Variants in SLITRK2 observed in about 807,000 individuals in gnomAD.
The protein encoded by SLITRK2 is SLIT and NTRK like family member 2, also known as SLIT and NTRK-like protein 2.
A neutral mutation model predicts 35.4 loss-of-function variants in SLITRK2; 13 were observed. The observed-to-expected ratio is 0.37, with a 90% CI of 0.24 to 0.58. The LOEUF is 0.58. SLITRK2 is among the 20% of genes least tolerant of loss of function. The pLI, the probability that SLITRK2 is intolerant of heterozygous loss-of-function variation, is 0.75. For missense variants in SLITRK2, 471 were observed against 634.3 expected, an observed-to-expected ratio of 0.74 and a Z score of 2.76; for synonymous variants, 294 against 264.7, an observed-to-expected ratio of 1.11 and a Z score of -1.07.
rs1463534114 is a variant in SLITRK2, at chrX:145,826,570, T to C, written c.*1607T>C. On this transcript the variant is annotated 3_prime_UTR_variant, in exon 5 of 5. Transcript: ENST00000335565. ...TTTAGATGCAAACGTGATTGTGTGA[T>C]TTAAACAAACAGCCCTTCTTTACAA... is the stretch of plus-strand genomic sequence containing the variant. 2.7e-5 allele frequency: 3 copies of C among 112,342 alleles called. No homozygotes were observed. In the East Asian group the frequency reaches 8.4e-4, roughly 31 times the overall value. 9.3% of individuals were successfully genotyped at this position (112,342 alleles called of 1,213,427 possible). A position where few individuals can be genotyped will look rare whatever the true frequency, so the allele number is the denominator to read the frequency against.
Position 145,824,154 on chromosome X carries a change from A to C in SLITRK2, c.1729A>C (p.Ile577Leu), listed in dbSNP as rs1556944689. The change falls in exon 5 of 5, where the codon ATC becomes CTC. Residue 577 changes from isoleucine (I) to leucine (L), a missense_variant. By Grantham distance (5) the Ile-to-Leu change is conservative. Transcript: ENST00000335565. ...ACTAAAATTTCTGGGGAGGGAGGCT[A>C]TCTGTCCAGACAGCCCAAACTTGTC... ...EILKFLGREAICPDSPNLSDG... is the reference protein window; with the variant it reads ...EILKFLGREALCPDSPNLSDG... 1 of 1,209,283 alleles carries C rather than the reference A, an allele frequency of 8.3e-7. No individual in the cohort carries two copies. The highest frequency in any genetic ancestry group is 1.1e-6 in the Non-Finnish European group (1 of 894,147).
In SLITRK2 at chrX:145,825,166, C is replaced by T. The variant is rs1397957777; in HGVS notation, c.*203C>T. Reference sequence around the variant, plus strand: ...ATTATTTCTCTCTCGCTCTCCTCCCCTCCTTTTTTTTTTTTTTTTTTTTTT... The same window carrying T: ...ATTATTTCTCTCTCGCTCTCCTCCCTTCCTTTTTTTTTTTTTTTTTTTTTT... On this transcript the variant is annotated 3_prime_UTR_variant, in exon 5 of 5. Coordinates refer to ENST00000335565, the MANE Select transcript of SLITRK2 (RefSeq NM_032539.5). 1.3e-5 allele frequency: 4 copies of T among 299,449 alleles called. No homozygotes were observed. The highest frequency in any genetic ancestry group is 1.7e-4 in the Admixed American group (2 of 11,784). 24.7% of individuals were successfully genotyped at this position (299,449 alleles called of 1,213,427 possible).
rs2073155758 is a variant in SLITRK2, at chrX:145,829,561, T to G, written c.*4598T>G. On this transcript the variant is annotated 3_prime_UTR_variant, in exon 5 of 5. Coordinates refer to ENST00000335565, the MANE Select transcript of SLITRK2 (RefSeq NM_032539.5). The stretch of plus-strand genomic sequence containing the variant: ...AACAAAATTGAACACAGGACTCTTC[T>G]GCTCAGCAGCATCTCTTTTCTCAGA... 8.1e-6 allele frequency: 1 copy of G among 123,587 alleles called. No individual in the cohort carries two copies. The highest frequency in any genetic ancestry group is 1.9e-5 in the Non-Finnish European group (1 of 53,349). The allele number at this position is 123,587 out of a possible 1,213,427, so 10.2% of individuals were successfully genotyped here. A position where few individuals can be genotyped will look rare whatever the true frequency, so the allele number is the denominator to read the frequency against.
At position 145,823,482 on chromosome X, in the gene SLITRK2, A is replaced by G. The variant is rs1556944369; in HGVS notation, c.1057A>G (p.Asn353Asp). 1 of 1,211,246 alleles carries G rather than the reference A, an allele frequency of 8.3e-7. No homozygotes were observed. The highest frequency in any genetic ancestry group is 1.8e-5 in the South Asian group (1 of 56,952). ...TGTCTGCACCTCTCAGAGCTCAGACAATGGTCTGAATGTAAACTGCCAAGA... is the reference window on the plus strand; with the variant it reads ...TGTCTGCACCTCTCAGAGCTCAGACGATGGTCTGAATGTAAACTGCCAAGA... Reference protein sequence around the residue: ...SCVCTSQSSDNGLNVNCQERK... With the variant: ...SCVCTSQSSDDGLNVNCQERK... Residue 353 changes from asparagine to aspartate, a missense_variant, in exon 5 of 5, where the codon AAT becomes GAT. This residue lies in a region of SLITRK2 where 92 missense variants were observed against 184.2 expected (regional missense o/e 0.50). Coordinates refer to ENST00000335565, the MANE Select transcript of SLITRK2 (RefSeq NM_032539.5).
rs933707267 is a variant in SLITRK2 at position 145,826,307 on chromosome X, A to C, written c.*1344A>C. The C allele has an allele frequency of 2.7e-5, 3 of 112,067 alleles. No homozygotes were observed. Among genetic ancestry groups the C allele is most frequent in the Non-Finnish European group, 5.6e-5 (3 of 53,191 alleles). 9.2% of individuals were successfully genotyped at this position (112,067 alleles called of 1,213,427 possible). ...AAAACAGCATTTTCCTCTTGAGTTT[A>C]ATTGAAGCATTAATGGGGTGCTATC... On this transcript the variant is annotated 3_prime_UTR_variant, in exon 5 of 5. Transcript: ENST00000335565.
In SLITRK2 at chrX:145,827,832, C is replaced by T. The variant is rs199644106; in HGVS notation, c.*2869C>T. 1 of 1,211,702 alleles carries T rather than the reference C, an allele frequency of 8.3e-7. No individual in the cohort carries two copies. ...GCTTTATCTGCTCAAGCACTTTCGA[C>T]CATATTTTATTTTAGGATTTTTATT... On this transcript the variant is annotated 3_prime_UTR_variant, in exon 5 of 5. Coordinates refer to ENST00000335565, the MANE Select transcript of SLITRK2 (RefSeq NM_032539.5).
rs782605442 is a variant in SLITRK2 at position 145,824,730 on chromosome X, G to T, written c.2305G>T (p.Ala769Ser). The T allele has an allele frequency of 8.3e-7, 1 of 1,211,174 alleles. No individual in the cohort carries two copies. The highest frequency in any genetic ancestry group is 1.1e-6 in the Non-Finnish European group (1 of 895,372). ...IAERVKELPSAGLVHYNFCTL... is the reference protein window; with the variant it reads ...IAERVKELPSSGLVHYNFCTL... ...TGAGCGAGTCAAGGAACTTCCCAGC[G>T]CAGGCCTAGTCCACTATAACTTTTG... Residue 769 changes from alanine (A) to serine (S), a missense_variant, in exon 5 of 5, where the codon GCA becomes TCA. Coordinates refer to ENST00000335565, the MANE Select transcript of SLITRK2 (RefSeq NM_032539.5).
In SLITRK2 at chrX:145,829,648, A is replaced by G; in HGVS notation, c.*4685A>G. 8.1e-6 allele frequency: 1 copy of G among 123,752 alleles called. No homozygotes were observed. Among genetic ancestry groups the G allele is most frequent in the Non-Finnish European group, 1.9e-5 (1 of 53,384 alleles). The allele number at this position is 123,752 out of a possible 1,213,427, so 10.2% of individuals were successfully genotyped here. A position where few individuals can be genotyped will look rare whatever the true frequency, so the allele number is the denominator to read the frequency against. On this transcript the variant is annotated 3_prime_UTR_variant, in exon 5 of 5. Transcript: ENST00000335565. ...CATATTCCATAAAGTGCTCAGAGTCACAGGTTTTATAATAAATTATGTTAT... is the reference window on the plus strand; with the variant it reads ...CATATTCCATAAAGTGCTCAGAGTCGCAGGTTTTATAATAAATTATGTTAT...
chrX:145,826,265 G>A lies in SLITRK2; in HGVS notation c.*1302G>A, dbSNP rs2073125996. The stretch of plus-strand genomic sequence containing the variant: ...GGGTTAGACTCATAATCCTTCTCAA[G>A]TTTAACACTTTCTGACAAAACAGCA... On this transcript the variant is annotated 3_prime_UTR_variant, in exon 5 of 5. Coordinates refer to ENST00000335565, the MANE Select transcript of SLITRK2 (RefSeq NM_032539.5). 8.9e-6 allele frequency: 1 copy of A among 111,766 alleles called. No individual in the cohort carries two copies. Among genetic ancestry groups the A allele is most frequent in the African/African-American group, 3.3e-5 (1 of 30,731 alleles). The allele number at this position is 111,766 out of a possible 1,213,427, so 9.2% of individuals were successfully genotyped here. A position where few individuals can be genotyped will look rare whatever the true frequency, so the allele number is the denominator to read the frequency against.
chrX:145,821,280 T>G (rs1371615883), intron 2 of SLITRK2, 68 bp from the exon 3 acceptor site: 1 of 101,500 alleles, frequency 9.9e-6, no homozygotes, highest in African/African-American at 3.7e-5. Flanking sequence ...CCCAAGGAGG[T>G]GCCAGGCCAT....
rs5904151 is a variant in SLITRK2 at position 145,825,169 on chromosome X, C to CTTTTTTTTTTTTTTTTTTTTTTTT, written c.*228_*229insTTTTTTTTTTTTTTTTTTTTTTTT. 1 of 162,324 alleles carries CTTTTTTTTTTTTTTTTTTTTTTTT rather than the reference C, an allele frequency of 6.2e-6. No homozygotes were observed. Among genetic ancestry groups the CTTTTTTTTTTTTTTTTTTTTTTTT allele is most frequent in the Non-Finnish European group, 1.0e-5 (1 of 95,285 alleles). 13.4% of individuals were successfully genotyped at this position (162,324 alleles called of 1,213,427 possible). On this transcript the variant is annotated 3_prime_UTR_variant, in exon 5 of 5. Transcript: ENST00000335565. ...ATTTCTCTCTCGCTCTCCTCCCCTC[C>CTTTTTTTTTTTTTTTTTTTTTTTT]TTTTTTTTTTTTTTTTTTTTTTCTT...
chrX:145,827,696 T>C lies in SLITRK2; in HGVS notation c.*2733T>C, dbSNP rs200700602. 8.8e-7 allele frequency: 1 copy of C among 1,132,694 alleles called. No individual in the cohort carries two copies. Among genetic ancestry groups the C allele is most frequent in the African/African-American group, 1.8e-5 (1 of 55,266 alleles). The allele number at this position is 1,132,694 out of a possible 1,213,427, so 93.3% of individuals were successfully genotyped here. A position where few individuals can be genotyped will look rare whatever the true frequency, so the allele number is the denominator to read the frequency against. On this transcript the variant is annotated 3_prime_UTR_variant, in exon 5 of 5. Coordinates refer to ENST00000335565, the MANE Select transcript of SLITRK2 (RefSeq NM_032539.5). Reference sequence around the variant, plus strand: ...TATTTGAATGTATTCCAGACTATTTTATTTAAAATCATCATACATCATATA... The same window carrying C: ...TATTTGAATGTATTCCAGACTATTTCATTTAAAATCATCATACATCATATA...
Position 145,822,650 on chromosome X carries a change from A to G in SLITRK2, c.225A>G (p.Thr75=). 14 of 1,211,775 alleles carry G rather than the reference A, an allele frequency of 1.2e-5. No individual in the cohort carries two copies. The highest frequency in any genetic ancestry group is 1.6e-5 in the Non-Finnish European group (14 of 895,476). Residue 75 remains threonine (T), a synonymous_variant, in exon 5 of 5, where the codon ACA becomes ACG. Coordinates refer to ENST00000335565, the MANE Select transcript of SLITRK2 (RefSeq NM_032539.5). ...TTTTTCTCAATGGAAACCTCTTGAC[A>G]AGACTGTATCCAAACGAATTTGTCA... ...YQLFLNGNLL[T]RLYPNEFVNY...
chrX:145,822,730 G>A lies in SLITRK2; in HGVS notation c.305G>A (p.Arg102Gln), dbSNP rs1451408651. The A allele has an allele frequency of 1.1e-5, 13 of 1,211,069 alleles. No individual in the cohort carries two copies. The highest frequency in any genetic ancestry group is 1.8e-5 in the South Asian group (1 of 56,904). Residue 102 changes from arginine (R) to glutamine (Q), a missense_variant, in exon 5 of 5, where the codon CGA (arginine) becomes CAA (glutamine). By Grantham distance (43) the Arg-to-Gln change is conservative. Around this residue, in one of 7 missense-constraint regions of SLITRK2, gnomAD observed 98 missense variants for 120.6 expected, o/e 0.81. Coordinates refer to ENST00000335565, the MANE Select transcript of SLITRK2 (RefSeq NM_032539.5). ...GGTAACAACGGGTTACAGGAGATCC[G>A]AACGGGGGCATTCAGTGGCCTGAAA... is the stretch of plus-strand genomic sequence containing the variant. The part of the protein sequence containing the change: ...HLGNNGLQEI[R>Q]TGAFSGLKTL...
intron 1 of SLITRK2, chrX:145,819,398 C>T (rs2072953918): frequency 9.0e-6 from 1 of 111,622 alleles, no homozygotes; most frequent in Non-Finnish European, 1.9e-5. Flanking sequence ...CTCATAATCC[C>T]TGGGTTTTGT....
In SLITRK2 at chrX:145,825,184, T is replaced by C. The variant is rs906412079; in HGVS notation, c.*221T>C. On this transcript the variant is annotated 3_prime_UTR_variant, in exon 5 of 5. Coordinates refer to ENST00000335565, the MANE Select transcript of SLITRK2 (RefSeq NM_032539.5). ...TCCTCCCCTCCTTTTTTTTTTTTTTTTTTTTTTCTTTTTCCCTTCTCTTCT... is the reference window on the plus strand; with the variant it reads ...TCCTCCCCTCCTTTTTTTTTTTTTTCTTTTTTTCTTTTTCCCTTCTCTTCT... 1.3e-4 allele frequency: 45 copies of C among 339,120 alleles called. No homozygotes were observed. Among genetic ancestry groups the C allele is most frequent in the Non-Finnish European group, 1.9e-4 (37 of 197,433 alleles). 27.9% of individuals were successfully genotyped at this position (339,120 alleles called of 1,213,427 possible). A position where few individuals can be genotyped will look rare whatever the true frequency, so the allele number is the denominator to read the frequency against.
At chrX:145,818,625 G>A (rs2072934058) in intron 1 of SLITRK2, 1 of 112,791 alleles carries the variant, frequency 8.9e-6, no homozygotes, top group South Asian at 3.7e-4. Flanking sequence ...CTCGTGGCCT[G>A]ATGGGCGGCC....
intron 1 of SLITRK2, 135 bp from the exon 2 acceptor site, chrX:145,820,339 A>C (rs1433922957): frequency 8.9e-6 from 1 of 112,481 alleles, no homozygotes; most frequent in Non-Finnish European, 1.9e-5. Flanking sequence ...CTGTAAGATA[A>C]TTAAGGAGAA....
intron 1 of SLITRK2, chrX:145,818,838 C>G (rs2072938652): frequency 8.9e-6 from 1 of 112,414 alleles, no homozygotes. Context: ...CCAGTTCACC[C>G]TGAACCTTTC....
Sources: gnomAD v4.1 joint callset for allele counts on GRCh38, gnomAD v4.1.1 for gene constraint, gnomAD v4.1.1 regional missense constraint, MANE v1.5 for transcripts, NCBI Gene and HGNC (gene_info 2026-07-23, HGNC 2026-07-21) for gene names.